MAGI3: variants seen among roughly 807,000 people sequenced by gnomAD.
MAGI3 encodes membrane-associated guanylate kinase, WW and PDZ domain-containing protein 3.
In MAGI3, 43 loss-of-function variants were observed where a neutral mutation model predicts 121.8. The observed-to-expected ratio is 0.35, with a 90% CI of 0.28 to 0.46. MAGI3 has a LOEUF of 0.46. MAGI3 is among the 20% of genes least tolerant of loss of function. The pLI is 1.00. For missense variants in MAGI3, 1,547 were observed against 1,797.3 expected, an observed-to-expected ratio of 0.86 and a Z score of 2.52; for synonymous variants, 553 against 639.3, an observed-to-expected ratio of 0.86 and a Z score of 2.04.
chr1:113,464,622 A>G (rs78528313), intron 1 of MAGI3, among the ~76,000 whole-genome samples: 3,550 of 152,320 alleles, frequency 0.023, 135 homozygotes, highest in African/African-American at 0.081. Context: ...CCAACAATGT[A>G]TAAGGGTTCC....
chr1:113,599,501 C>T (rs1025380348), intron 6 of MAGI3, among the ~76,000 whole-genome samples: 1 of 152,150 alleles, frequency 6.6e-6, no homozygotes, highest in African/African-American at 2.4e-5. Flanking sequence ...GACACATACA[C>T]CCTCCCAAGA....
chr1:113,602,972 A>G (rs1160257889), intron 6 of MAGI3, among the ~76,000 whole-genome samples: 2 of 151,908 alleles, frequency 1.3e-5, no homozygotes, highest in Non-Finnish European at 2.9e-5. Context: ...GTATACACAT[A>G]TATATATATG....
At chr1:113,659,038 A>T in intron 15 of MAGI3, 42 bp from the exon 16 acceptor site, 2 of 1,467,050 alleles carry the variant, frequency 1.4e-6, no homozygotes, top group Non-Finnish European at 1.9e-6. Flanking sequence ...CACTAGCAGA[A>T]ATCTTAAATA....
chr1:113,622,616 A>G (rs1056987365), intron 8 of MAGI3, among the ~76,000 whole-genome samples, 190 bp from the exon 9 acceptor site: 16 of 152,230 alleles, frequency 1.1e-4, no homozygotes, highest in African/African-American at 3.6e-4. Flanking sequence ...ACTTTCAGAA[A>G]TTGAGTGCTA....
intron 7 of MAGI3, 77 bp downstream of exon 7, chr1:113,614,735 G>A: frequency 5.3e-6 from 5 of 952,040 alleles, no homozygotes; most frequent in Non-Finnish European, 1.6e-6. Context: ...ACTGGATACA[G>A]CACTTTATGC....
At position 113,585,456 on chromosome 1, in the gene MAGI3, T is replaced by G. The variant is rs746667938; in HGVS notation, c.623T>G (p.Val208Gly). ...SPFQPDPVDQ[V>G]LFDNEFDAES... ...TTTCAGCCAGATCCAGTTGATCAAG[T>G]CCTCTTTGATAATGAGTTTGATGCA... Residue 208 changes from valine to glycine, a missense_variant, in exon 4 of 21, where the codon GTC becomes GGC. By Grantham distance (109) the Val-to-Gly change is moderately radical. Coordinates refer to ENST00000307546, the MANE Select transcript of MAGI3 (RefSeq NM_001142782.2). The G allele has an allele frequency of 1.2e-6, 2 of 1,614,086 alleles. No individual in the cohort carries two copies. The highest frequency in any genetic ancestry group is 1.7e-6 in the Non-Finnish European group (2 of 1,179,996).
chr1:113,413,192 G>A (rs1384922587), intron 1 of MAGI3, among the ~76,000 whole-genome samples: 1 of 152,074 alleles, frequency 6.6e-6, no homozygotes, highest in African/African-American at 2.4e-5. Context: ...GGTTGTGGAT[G>A]TGTGGTATTA....
At chr1:113,594,236 T>A (rs1648860385) in intron 5 of MAGI3, among the ~76,000 whole-genome samples, 1 of 152,208 alleles carries the variant, frequency 6.6e-6, no homozygotes, top group African/African-American at 2.4e-5. Context: ...ATACTTGGCA[T>A]TTTAGGCCTT....
At position 113,659,135 on chromosome 1, in the gene MAGI3, A is replaced by G; in HGVS notation, c.2685A>G (p.Gly895=). The G allele has an allele frequency of 6.2e-7, 1 of 1,614,054 alleles. No homozygotes were observed. The highest frequency in any genetic ancestry group is 8.5e-7 in the Non-Finnish European group (1 of 1,179,958). ...AAGGAAGTCCGGCTGACCGCTGTGG[A>G]AAACTGAAAGTTGGAGATCATATCT... ...VIEGSPADRC[G]KLKVGDHISA... The change falls in exon 16 of 21, where the codon GGA becomes GGG. Residue 895 remains glycine, a synonymous_variant. Transcript: ENST00000307546.
chr1:113,473,635 A>G (rs1265415688), intron 1 of MAGI3, among the ~76,000 whole-genome samples: 3 of 152,160 alleles, frequency 2.0e-5, no homozygotes, highest in Non-Finnish European at 2.9e-5. Flanking sequence ...CATGGTGTAT[A>G]TGTGCCACAT....
chr1:113,405,474 C>CAAAAAAAAAAAAAAAAAAAAAAAAAAA (rs5777158), intron 1 of MAGI3, among the ~76,000 whole-genome samples: 2 of 54,328 alleles, frequency 3.7e-5, no homozygotes, highest in East Asian at 1.1e-3. Context: ...GAAACTGTCT[C>CAAAAAAAAAAAAAAAAAAAAAAAAAAA]AAAAAAAAAA....
intron 1 of MAGI3, among the ~76,000 whole-genome samples, chr1:113,476,321 C>G (rs532899541): frequency 6.6e-6 from 1 of 152,132 alleles, no homozygotes; most frequent in Non-Finnish European, 1.5e-5. Flanking sequence ...GTTAGGGTGT[C>G]AATTTTAGAT....
At chr1:113,497,382 G>A (rs574935534) in intron 1 of MAGI3, among the ~76,000 whole-genome samples, 19 of 112,136 alleles carry the variant, frequency 1.7e-4, no homozygotes, top group African/African-American at 3.5e-4. Flanking sequence ...GAAGCAGGGC[G>A]AGGCATTGCC....
intron 1 of MAGI3, among the ~76,000 whole-genome samples, chr1:113,478,315 A>G (rs937430376): frequency 1.3e-5 from 2 of 152,122 alleles, no homozygotes; most frequent in Middle Eastern, 3.4e-3. Flanking sequence ...AGGTGCTCTG[A>G]TTTTTAGAAT....
rs1648457317 is a variant in MAGI3 at position 113,684,931 on chromosome 1, T to TAATA, written c.*918_*921dup. 6.6e-6 allele frequency: 1 copy of TAATA among 152,392 alleles called. No homozygotes were observed. The highest frequency in any genetic ancestry group is 1.5e-5 in the Non-Finnish European group (1 of 68,040). 9.4% of individuals were successfully genotyped at this position (152,392 alleles called of 1,614,324 possible). ...ACCTACTACTAAAGTCATTAGTCTT[T>TAATA]AATACATAATACATATTTGAAAAGT... On this transcript the variant is annotated 3_prime_UTR_variant, in exon 21 of 21. Coordinates refer to ENST00000307546, the MANE Select transcript of MAGI3 (RefSeq NM_001142782.2).
Position 113,516,751 on chromosome 1 carries a change from G to A in MAGI3, c.317-32764G>A, listed in dbSNP as rs150301358. ...CCTTCCAAAGAGCACAATCAGTATA[G>A]GAGAGGGAAAAATAATGCTCCAGTG... On this transcript the variant is annotated intron_variant, in intron 1 of 20. Coordinates refer to ENST00000307546, the MANE Select transcript of MAGI3 (RefSeq NM_001142782.2). 8.0e-4 allele frequency among the ~76,000 whole-genome samples: 121 copies of A among 152,112 alleles called. 1 individual carries two copies. The highest frequency in any genetic ancestry group is 2.8e-3 in the African/African-American group (116 of 41,532).
intron 20 of MAGI3, chr1:113,682,161 T>TC: frequency 1.8e-6 from 1 of 565,610 alleles, no homozygotes; most frequent in Non-Finnish European, 2.2e-6. Context: ...ACTGCACTGA[T>TC]TTTTTTTTTT....
intron 1 of MAGI3, among the ~76,000 whole-genome samples, chr1:113,516,390 CAAAAAAA>C (rs60186333): frequency 1.4e-5 from 1 of 70,996 alleles, no homozygotes; most frequent in Non-Finnish European, 2.5e-5. Flanking sequence ...GAAGTTCTCA[CAAAAAAA>C]AAAAAAAAAA....
At chr1:113,414,067 A>C (rs1181495405) in intron 1 of MAGI3, among the ~76,000 whole-genome samples, 1 of 152,124 alleles carries the variant, frequency 6.6e-6, no homozygotes, top group Non-Finnish European at 1.5e-5. Context: ...TACCTAGTTT[A>C]TTGAGAGTAT....
Sources: allele counts gnomAD v4.1 joint callset (sites outside exome capture counted in the v4.1 genomes callset), GRCh38; gene constraint gnomAD v4.1.1; transcripts MANE v1.5; gene names NCBI Gene and HGNC (gene_info 2026-07-23, HGNC 2026-07-21).